CERT1: variants seen among roughly 807,000 people sequenced by gnomAD.
CERT1 encodes ceramide transporter 1, also known as ceramide transfer protein.
CERT1 carries 31 observed loss-of-function variants against 87.9 expected under a neutral mutation model. That is an observed-to-expected ratio of 0.35 (90% CI 0.27 to 0.48). CERT1 has a LOEUF of 0.48. Ranked by LOEUF, CERT1 falls within the 20% of genes least tolerant of loss-of-function variation. The pLI is 0.99. For missense variants in CERT1, 487 were observed against 758.0 expected, an observed-to-expected ratio of 0.64 and a Z score of 4.20; for synonymous variants, 289 against 250.9, an observed-to-expected ratio of 1.15 and a Z score of -1.44.
chr5:75,445,025 GCT>G (rs1764480698), intron 3 of CERT1, among the ~76,000 whole-genome samples: 2 of 151,998 alleles, frequency 1.3e-5, no homozygotes, highest in East Asian at 3.8e-4. Context: ...CTCCTTTGAA[GCT>G]CTGTCTTCAC....
intron 11 of CERT1, among the ~76,000 whole-genome samples, chr5:75,394,610 C>T (rs1390918525): frequency 1.3e-5 from 2 of 152,076 alleles, no homozygotes; most frequent in Admixed American, 6.6e-5. Flanking sequence ...CCTTAGCCCC[C>T]GCTACTGAGG....
Position 75,466,386 on chromosome 5 carries a change from G to A in CERT1, c.232-7205C>T, listed in dbSNP as rs138529090. Among the ~76,000 whole-genome samples, 65 of 152,254 alleles carry A rather than the reference G, an allele frequency of 4.3e-4. No homozygotes were observed. In the East Asian group the frequency reaches 0.012, roughly 27 times the overall value. On this transcript the variant is annotated intron_variant, in intron 2 of 16. Coordinates refer to ENST00000643780, the MANE Select transcript of CERT1 (RefSeq NM_001379029.1). ...CCTCAGAGATGCCAGTACCAGCTACGCATGCGCCACTTCTTAGTTGTATGA... is the reference window on the plus strand; with the variant it reads ...CCTCAGAGATGCCAGTACCAGCTACACATGCGCCACTTCTTAGTTGTATGA...
At chr5:75,481,705 TTCATA>T (rs772220027) in intron 2 of CERT1, among the ~76,000 whole-genome samples, 1 of 152,178 alleles carries the variant, frequency 6.6e-6, no homozygotes, top group Non-Finnish European at 1.5e-5. Flanking sequence ...TTCCAGTTCT[TTCATA>T]TAACATATTG....
At chr5:75,501,839 T>A (rs1767386364) in intron 2 of CERT1, among the ~76,000 whole-genome samples, 1 of 152,088 alleles carries the variant, frequency 6.6e-6, no homozygotes, top group East Asian at 1.9e-4. Flanking sequence ...TAAAATAACT[T>A]CCACAGGAAT....
In CERT1 at chr5:75,422,027, G is replaced by C. The variant is rs989753067; in HGVS notation, c.596-2603C>G. 5.9e-5 allele frequency among the ~76,000 whole-genome samples: 9 copies of C among 152,164 alleles called. No homozygotes were observed. The South Asian group carries it at 8.3e-4, about 14-fold the overall frequency. On this transcript the variant is annotated intron_variant, in intron 5 of 16. Coordinates refer to ENST00000643780, the MANE Select transcript of CERT1 (RefSeq NM_001379029.1). ...ATAATGCTAGCTCATACTTCTACTAGAGAGGGTATCCACATATCAAGGAAC... is the reference window on the plus strand; with the variant it reads ...ATAATGCTAGCTCATACTTCTACTACAGAGGGTATCCACATATCAAGGAAC...
chr5:75,505,476 C>T, intron 2 of CERT1: 1 of 152,106 alleles, frequency 6.6e-6, no homozygotes, highest in East Asian at 1.9e-4. Flanking sequence ...CAAAAGTTAT[C>T]TTCAGGCTTT....
chr5:75,503,917 A>ATTAAAT (rs1580866991), intron 2 of CERT1, among the ~76,000 whole-genome samples: 1 of 150,774 alleles, frequency 6.6e-6, no homozygotes. Context: ...TTTAATTTAA[A>ATTAAAT]ATTTTCTTTT....
chr5:75,392,969 CAAAAAAAAAAAAAAAA>C (rs1198217217), intron 11 of CERT1, among the ~76,000 whole-genome samples: 6 of 8,690 alleles, frequency 6.9e-4, no homozygotes, highest in African/African-American at 2.2e-3. Context: ...GACTCCGTCT[CAAAAAAAAAAAAAAAA>C]AAAAAAAAAA....
At chr5:75,470,751 C>T (rs1435838525) in intron 2 of CERT1, among the ~76,000 whole-genome samples, 1 of 152,080 alleles carries the variant, frequency 6.6e-6, no homozygotes, top group Non-Finnish European at 1.5e-5. Flanking sequence ...TACTAGAAGT[C>T]CTAGCCAGAA....
At chr5:75,489,515 A>T (rs900109501) in intron 2 of CERT1, among the ~76,000 whole-genome samples, 1 of 152,244 alleles carries the variant, frequency 6.6e-6, no homozygotes, top group South Asian at 2.1e-4. Context: ...AATGGCCAAT[A>T]TGCAGAATCT....
chr5:75,505,878 A>T, intron 2 of CERT1, 104 bp downstream of exon 2: 3 of 827,512 alleles, frequency 3.6e-6, no homozygotes, highest in Non-Finnish European at 3.8e-6. Flanking sequence ...AAGGACAAGG[A>T]TCTTTATCTT....
Position 75,511,598 on chromosome 5 carries a change from C to G in CERT1, c.-391G>C, listed in dbSNP as rs1274110451. ...CCCGCGTCCACTCACACCTCCGCTACCGCCGCCATCTTCCTGCCTGGCCCA... is the reference window on the plus strand; with the variant it reads ...CCCGCGTCCACTCACACCTCCGCTAGCGCCGCCATCTTCCTGCCTGGCCCA... On this transcript the variant is annotated 5_prime_UTR_variant, in exon 1 of 17. Transcript: ENST00000643780. The G allele has an allele frequency of 6.8e-7, 1 of 1,466,606 alleles. No homozygotes were observed. The highest frequency in any genetic ancestry group is 9.0e-7 in the Non-Finnish European group (1 of 1,109,080). 90.8% of individuals were successfully genotyped at this position (1,466,606 alleles called of 1,614,324 possible). A position where few individuals can be genotyped will look rare whatever the true frequency, so the allele number is the denominator to read the frequency against.
chr5:75,505,972 A>G lies in CERT1; in HGVS notation c.231+10T>C. On this transcript the variant is annotated intron_variant, in intron 2 of 16. Transcript: ENST00000643780. ...AAATATTTGTTGAATGAAGAAGAAA[A>G]GGAACTTACTGTGATGACAGCCTTG... The G allele has an allele frequency of 6.2e-7, 1 of 1,609,738 alleles. No homozygotes were observed. The highest frequency in any genetic ancestry group is 8.5e-7 in the Non-Finnish European group (1 of 1,176,740).
chr5:75,383,494 T>C (rs1342431022), intron 14 of CERT1, among the ~76,000 whole-genome samples: 2 of 152,134 alleles, frequency 1.3e-5, no homozygotes, highest in Non-Finnish European at 2.9e-5. Context: ...GGTGATTAAT[T>C]AATATTCTGA....
intron 7 of CERT1, among the ~76,000 whole-genome samples, chr5:75,412,514 G>T (rs1369894099): frequency 6.6e-6 from 1 of 152,142 alleles, no homozygotes; most frequent in Non-Finnish European, 1.5e-5. Flanking sequence ...TTCACCATGG[G>T]GATACAGTCT....
chr5:75,395,089 A>G (rs1762191932), intron 11 of CERT1, among the ~76,000 whole-genome samples: 2 of 152,220 alleles, frequency 1.3e-5, no homozygotes, highest in African/African-American at 4.8e-5. Context: ...AGAGCCTCAC[A>G]CAGAACCATT....
chr5:75,482,917 G>C (rs921361353), intron 2 of CERT1, among the ~76,000 whole-genome samples: 5 of 151,446 alleles, frequency 3.3e-5, no homozygotes, highest in African/African-American at 1.2e-4. Flanking sequence ...TAAGAAGAAT[G>C]GGTACAAAGA....
intron 2 of CERT1, among the ~76,000 whole-genome samples, chr5:75,467,453 C>T (rs931552279): frequency 1.3e-5 from 2 of 151,892 alleles, no homozygotes; most frequent in African/African-American, 2.4e-5. Flanking sequence ...CTAGCCTGGT[C>T]AACATGGCGA....
At chr5:75,487,284 A>T (rs2112413936) in intron 2 of CERT1, among the ~76,000 whole-genome samples, 1 of 152,240 alleles carries the variant, frequency 6.6e-6, no homozygotes, top group South Asian at 2.1e-4. Flanking sequence ...TCATAAGCAG[A>T]AGAATGAAAC....
Sources: allele counts gnomAD v4.1 joint callset (sites outside exome capture counted in the v4.1 genomes callset), GRCh38; gene constraint gnomAD v4.1.1; transcripts MANE v1.5; gene names NCBI Gene and HGNC (gene_info 2026-07-23, HGNC 2026-07-21).